KCMF1: variants seen among roughly 807,000 people sequenced by gnomAD.
KCMF1 encodes E3 ubiquitin-protein ligase KCMF1.
Under a neutral mutation model 41.1 loss-of-function variants are expected in KCMF1, and 3 were observed. The observed-to-expected ratio is 0.07, with a 90% CI of 0.03 to 0.19. The LOEUF (loss-of-function observed/expected upper bound fraction) is 0.19. KCMF1 is among the 10% of genes least tolerant of loss of function. The probability of loss-of-function intolerance (pLI) is 1.00; values close to 1 mark genes in which losing one functional copy is unlikely to be tolerated. For synonymous variants in KCMF1, 142 were observed against 164.5 expected, an observed-to-expected ratio of 0.86 and a Z score of 1.04; for missense variants, 286 against 488.9, an observed-to-expected ratio of 0.58 and a Z score of 3.91.
intron 1 of KCMF1, among the ~76,000 whole-genome samples, chr2:85,008,293 TATATA>T (rs1225161066): frequency 8.1e-4 from 75 of 92,380 alleles, no homozygotes; most frequent in Admixed American, 1.2e-3. Context: ...ATATATAATA[TATATA>T]ATATATAATA....
rs541107249 is a variant in KCMF1, at chr2:85,058,385, CA to C, written c.*4986del. ...CGACACAGTGAGACTCTCCTCAAAA[CA>C]AAAAAAAAAGAAAGAAAACCCATGT... On this transcript the variant is annotated 3_prime_UTR_variant, in exon 7 of 7. Coordinates refer to ENST00000409785, the MANE Select transcript of KCMF1 (RefSeq NM_020122.5). 13 of 145,636 alleles carry C rather than the reference CA, an allele frequency of 8.9e-5. No homozygotes were observed. The highest frequency in any genetic ancestry group is 1.1e-4 in the Non-Finnish European group (7 of 65,836). The allele number at this position is 145,636 out of a possible 1,614,324, so 9.0% of individuals were successfully genotyped here.
chr2:84,975,839 C>T (rs868736812), intron 1 of KCMF1, among the ~76,000 whole-genome samples: 7 of 152,168 alleles, frequency 4.6e-5, no homozygotes, highest in South Asian at 2.1e-4. Context: ...ACAAATTGCT[C>T]GCTGCTTATT....
chr2:85,046,365 C>T, intron 5 of KCMF1, 87 bp downstream of exon 5: 2 of 1,032,990 alleles, frequency 1.9e-6, no homozygotes, highest in South Asian at 3.1e-5. Context: ...TGCGGTGGCT[C>T]ACACCTTTAA....
At chr2:85,028,212 C>T (rs192751741) in intron 2 of KCMF1, among the ~76,000 whole-genome samples, 156 bp downstream of exon 2, 73 of 152,198 alleles carry the variant, frequency 4.8e-4, no homozygotes, top group African/African-American at 1.1e-3. Context: ...GACGGAGTTT[C>T]GCTCTTGTTG....
At chr2:85,037,930 C>T (rs140780310) in intron 3 of KCMF1, among the ~76,000 whole-genome samples, 311 of 152,322 alleles carry the variant, frequency 2.0e-3, no homozygotes, top group Non-Finnish European at 3.7e-3. Flanking sequence ...CTCACAGGAG[C>T]GCAATCCCTT....
At chr2:85,025,336 C>A (rs1675071945) in intron 1 of KCMF1, among the ~76,000 whole-genome samples, 1 of 152,148 alleles carries the variant, frequency 6.6e-6, no homozygotes, top group South Asian at 2.1e-4. Flanking sequence ...AATGCTGTTG[C>A]AAATGGCTTA....
chr2:85,021,389 C>G lies in KCMF1; in HGVS notation c.17-6500C>G, dbSNP rs540465627. Among the ~76,000 whole-genome samples the G allele has an allele frequency of 6.6e-5, 10 of 152,234 alleles. No homozygotes were observed. In the East Asian group the frequency reaches 1.9e-3, roughly 29 times the overall value. On this transcript the variant is annotated intron_variant, in intron 1 of 6. Transcript: ENST00000409785. ...GTGTAATCCCAGCACTTTGGGAGGC[C>G]AAGGCGGGCGGATCACGAGGTCAGG...
At chr2:85,018,193 G>A (rs1042386762) in intron 1 of KCMF1, among the ~76,000 whole-genome samples, 1 of 151,372 alleles carries the variant, frequency 6.6e-6, no homozygotes, top group Non-Finnish European at 1.5e-5. Context: ...ACCTTATGAT[G>A]TAGCTTGTTC....
intron 3 of KCMF1, among the ~76,000 whole-genome samples, chr2:85,040,725 C>A (rs1675507510): frequency 6.6e-6 from 1 of 151,978 alleles, no homozygotes; most frequent in Non-Finnish European, 1.5e-5. Flanking sequence ...CAACATCTTC[C>A]ACTTGGTTCT....
rs993852749 is a variant in KCMF1, at chr2:85,022,677, A to G, written c.17-5212A>G. On this transcript the variant is annotated intron_variant, in intron 1 of 6. Transcript: ENST00000409785. ...TCATAAAATAAATGCAAAAGAGAAG[A>G]ATGGTACTACAGATCCTCTTGGCCA... is the stretch of plus-strand genomic sequence containing the variant. Among the ~76,000 whole-genome samples, 5 of 152,278 alleles carry G rather than the reference A, an allele frequency of 3.3e-5. No individual in the cohort carries two copies. In the South Asian group the frequency reaches 1.0e-3, roughly 32 times the overall value.
In KCMF1 at chr2:84,971,474, G is replaced by T. The variant is rs1419774472; in HGVS notation, c.16+7G>T. On this transcript the variant is annotated splice_region_variant and intron_variant, in intron 1 of 6. Coordinates refer to ENST00000409785, the MANE Select transcript of KCMF1 (RefSeq NM_020122.5). The stretch of plus-strand genomic sequence containing the variant: ...AGGATGTCCCGACATGAAGGTGAGA[G>T]GAGCCCCCGCCCCCACCCGCACCTC... The T allele has an allele frequency of 2.3e-6, 3 of 1,277,508 alleles. No individual in the cohort carries two copies. The African/African-American group carries it at 4.7e-5, about 20-fold the overall frequency. 79.1% of individuals were successfully genotyped at this position (1,277,508 alleles called of 1,614,324 possible).
intron 4 of KCMF1, among the ~76,000 whole-genome samples, chr2:85,045,361 C>T (rs757005935): frequency 2.0e-5 from 3 of 152,034 alleles, no homozygotes; most frequent in Non-Finnish European, 4.4e-5. Context: ...GGGCATGTAC[C>T]GTGACACCTG....
rs935877722 is a variant in KCMF1, at chr2:85,049,290, A to G, written c.602-76A>G. The G allele has an allele frequency of 7.0e-6, 10 of 1,428,878 alleles. No homozygotes were observed. The Admixed American group carries it at 1.8e-4, about 26-fold the overall frequency. 88.5% of individuals were successfully genotyped at this position (1,428,878 alleles called of 1,614,324 possible). A position where few individuals can be genotyped will look rare whatever the true frequency, so the allele number is the denominator to read the frequency against. ...TTCACAATGCTTTTGATGTTGTTCC[A>G]GTAAAAGAGTGATCTGTAGCGTTTT... On this transcript the variant is annotated intron_variant, in intron 5 of 6. Transcript: ENST00000409785.
rs1370867948 is a variant in KCMF1 at position 84,992,728 on chromosome 2, G to T, written c.16+21261G>T. On this transcript the variant is annotated intron_variant, in intron 1 of 6. Coordinates refer to ENST00000409785, the MANE Select transcript of KCMF1 (RefSeq NM_020122.5). ...GCTCACTGCAAGCTCCGCCTCCTGG[G>T]TTCATGCCATTCTGCCTCAGCCTCC... Among the ~76,000 whole-genome samples, 6 of 151,894 alleles carry T rather than the reference G, an allele frequency of 4.0e-5. No individual in the cohort carries two copies. The South Asian group carries it at 1.2e-3, about 32-fold the overall frequency.
At chr2:85,034,509 G>A (rs1408680831) in intron 2 of KCMF1, among the ~76,000 whole-genome samples, 3 of 152,120 alleles carry the variant, frequency 2.0e-5, no homozygotes, top group African/African-American at 4.8e-5. Context: ...TGTTTGTCTC[G>A]TTCTCTCTTA....
intron 1 of KCMF1, among the ~76,000 whole-genome samples, chr2:84,974,658 CATATATATATAT>C (rs71392939): frequency 3.0e-3 from 89 of 29,338 alleles, no homozygotes; most frequent in African/African-American, 0.01. Context: ...ATTTTAATTT[CATATATATATAT>C]ATATATATAT....
chr2:85,014,724 C>CGTGCGTGT (rs1491265978), intron 1 of KCMF1, among the ~76,000 whole-genome samples: 18 of 138,206 alleles, frequency 1.3e-4, no homozygotes, highest in Non-Finnish European at 2.7e-4. Flanking sequence ...TGCGTGCGTG[C>CGTGCGTGT]GTGTGTGTGT....
chr2:85,032,561 G>A (rs1429770728), intron 2 of KCMF1, among the ~76,000 whole-genome samples: 1 of 152,014 alleles, frequency 6.6e-6, no homozygotes, highest in Non-Finnish European at 1.5e-5. Flanking sequence ...ATTTTTAGTA[G>A]AGACGGGGTT....
chr2:84,987,445 C>A (rs1004783470), intron 1 of KCMF1, among the ~76,000 whole-genome samples: 1 of 152,150 alleles, frequency 6.6e-6, no homozygotes, highest in Non-Finnish European at 1.5e-5. Context: ...AAAAAGATGC[C>A]TTAAGATAAA....
Sources: allele counts gnomAD v4.1 joint callset (sites outside exome capture counted in the v4.1 genomes callset), GRCh38; gene constraint gnomAD v4.1.1; transcripts MANE v1.5; gene names NCBI Gene and HGNC (gene_info 2026-07-23, HGNC 2026-07-21).